HSD17B12: variants seen among roughly 807,000 people sequenced by gnomAD.
HSD17B12 encodes very-long-chain 3-oxoacyl-CoA reductase.
A neutral mutation model predicts 39.3 loss-of-function variants in HSD17B12; 32 were observed. The observed-to-expected ratio is 0.81, with a 90% CI of 0.61 to 1.09. The LOEUF is 1.09. Ranked by LOEUF, HSD17B12 falls within the 50% of genes least tolerant of loss-of-function variation. The pLI is 0.00. For missense variants in HSD17B12, 342 were observed against 382.9 expected (o/e 0.89, Z 0.89); for synonymous variants, 150 against 146.7 (o/e 1.02, Z -0.16).
At chr11:43,562,480 C>T in the HSD17B12 span, among the ~76,000 whole-genome samples, 137 of 152,330 alleles carry the variant, frequency 9.0e-4, 2 homozygotes, top group South Asian at 0.025. Flanking sequence ...GTTATTGTGA[C>T]GATTCATTGA....
the HSD17B12 span, among the ~76,000 whole-genome samples, chr11:43,588,466 T>C: frequency 6.0e-3 from 911 of 152,274 alleles, 4 homozygotes; most frequent in Non-Finnish European, 9.6e-3. Context: ...ATATAAACTT[T>C]TTATCTTCTC....
chr11:43,644,674 G>A, the HSD17B12 span: 1 of 153,092 alleles, frequency 6.5e-6, no homozygotes, highest in South Asian at 2.1e-4. Flanking sequence ...CTTGGGTCTG[G>A]TGGGATTTAA....
At chr11:43,826,215 TG>T (rs1350052326) in intron 6 of HSD17B12, among the ~76,000 whole-genome samples, 1 of 151,852 alleles carries the variant, frequency 6.6e-6, no homozygotes, top group Non-Finnish European at 1.5e-5. Flanking sequence ...CCCGAGTAGC[TG>T]GAACTACAGG....
intron 1 of HSD17B12, among the ~76,000 whole-genome samples, chr11:43,687,855 A>G (rs1949816167): frequency 6.6e-6 from 1 of 152,222 alleles, no homozygotes; most frequent in Admixed American, 6.5e-5. Flanking sequence ...TTGGGAAAAC[A>G]TTGTTACACA....
chr11:43,736,565 G>A (rs944171865), intron 1 of HSD17B12, among the ~76,000 whole-genome samples: 1 of 152,166 alleles, frequency 6.6e-6, no homozygotes, highest in African/African-American at 2.4e-5. Context: ...AAAGATGTGT[G>A]CTTCCTCATA....
intron 1 of HSD17B12, among the ~76,000 whole-genome samples, chr11:43,691,049 A>G (rs189779473): frequency 3.0e-4 from 45 of 152,338 alleles, no homozygotes; most frequent in Admixed American, 2.5e-3. Context: ...AAAGTCGTCA[A>G]TTTTAGTATG....
chr11:43,694,585 G>A (rs1949892521), intron 1 of HSD17B12, among the ~76,000 whole-genome samples: 1 of 151,950 alleles, frequency 6.6e-6, no homozygotes, highest in Non-Finnish European at 1.5e-5. Context: ...TTACTCAGAT[G>A]GCTGAGGTGG....
the HSD17B12 span, among the ~76,000 whole-genome samples, chr11:43,606,973 G>A: frequency 6.6e-6 from 1 of 152,154 alleles, no homozygotes; most frequent in Non-Finnish European, 1.5e-5. Flanking sequence ...TCCAGGCCTT[G>A]CATTTTGTAT....
intron 3 of HSD17B12, among the ~76,000 whole-genome samples, chr11:43,762,513 C>G (rs749078467): frequency 1.1e-4 from 17 of 152,222 alleles, no homozygotes; most frequent in Non-Finnish European, 1.5e-5. Flanking sequence ...TTCTGACATT[C>G]AGTTTATGGC....
intron 8 of HSD17B12, among the ~76,000 whole-genome samples, chr11:43,838,911 T>C (rs867493772): frequency 2.6e-5 from 4 of 152,136 alleles, no homozygotes; most frequent in Non-Finnish European, 5.9e-5. Context: ...TTGTCACTTT[T>C]GGGGTGAGAC....
chr11:43,585,961 G>A, the HSD17B12 span, among the ~76,000 whole-genome samples: 4 of 152,098 alleles, frequency 2.6e-5, no homozygotes, highest in Admixed American at 2.6e-4. Context: ...TGCCAAAACT[G>A]GAAAGAACTA....
intron 1 of HSD17B12, among the ~76,000 whole-genome samples, chr11:43,686,600 T>TG (rs1010297484): frequency 1.3e-5 from 2 of 150,582 alleles, no homozygotes; most frequent in African/African-American, 4.9e-5. Flanking sequence ...ACCCTGTTTT[T>TG]TTTTTTTTTT....
chr11:43,619,085 T>A, the HSD17B12 span, among the ~76,000 whole-genome samples: 1 of 148,536 alleles, frequency 6.7e-6, no homozygotes, highest in Non-Finnish European at 1.5e-5. Context: ...AGAACCTAAG[T>A]GGAAAACTCA....
chr11:43,807,455 C>A (rs1180713498), intron 4 of HSD17B12, among the ~76,000 whole-genome samples: 2 of 152,072 alleles, frequency 1.3e-5, no homozygotes, highest in Admixed American at 6.6e-5. Flanking sequence ...GAATCTGGAG[C>A]AAGGGTTTCA....
chr11:43,817,908 G>C (rs574601866), intron 6 of HSD17B12, among the ~76,000 whole-genome samples: 1 of 151,994 alleles, frequency 6.6e-6, no homozygotes, highest in African/African-American at 2.4e-5. Flanking sequence ...GATGGGAATT[G>C]CATTGAATTT....
chr11:43,599,941 G>A, the HSD17B12 span, among the ~76,000 whole-genome samples: 1 of 152,042 alleles, frequency 6.6e-6, no homozygotes, highest in African/African-American at 2.4e-5. Context: ...CCCTTCTAAT[G>A]TTAAGAAGGG....
rs150699304 is a variant in HSD17B12, at chr11:43,737,388, G to A, written c.161-13523G>A. ...ATTTTTGTTGACTGTATAAAATCTGGAAGTGGAGCCCTGGTCAGTTGCCAG... is the reference window on the plus strand; with the variant it reads ...ATTTTTGTTGACTGTATAAAATCTGAAAGTGGAGCCCTGGTCAGTTGCCAG... On this transcript the variant is annotated intron_variant, in intron 1 of 10. Transcript: ENST00000278353. 4.8e-3 allele frequency among the ~76,000 whole-genome samples: 729 copies of A among 152,248 alleles called. 19 individuals carry two copies. The highest frequency in any genetic ancestry group is 0.04 in the Admixed American group (613 of 15,296).
At chr11:43,755,119 G>T (rs932169780) in intron 3 of HSD17B12, 1 of 354,208 alleles carries the variant, frequency 2.8e-6, no homozygotes, top group Non-Finnish European at 5.0e-6. Context: ...CTTATGTTGG[G>T]TATATTTTTT....
rs150496621 is a variant in HSD17B12, at chr11:43,710,513, T to A, written c.160+29526T>A. Among the ~76,000 whole-genome samples the A allele has an allele frequency of 2.3e-3, 349 of 152,272 alleles. 2 individuals are homozygous for A. The highest frequency in any genetic ancestry group is 8.0e-3 in the African/African-American group (332 of 41,562). ...AAACTTTTAGTGATAAATTTTGAAA[T>A]TCTTGAGGGGAAATGATATGTGATT... On this transcript the variant is annotated intron_variant, in intron 1 of 10. Coordinates refer to ENST00000278353, the MANE Select transcript of HSD17B12 (RefSeq NM_016142.3).
Sources: allele counts gnomAD v4.1 joint callset (sites outside exome capture counted in the v4.1 genomes callset), GRCh38; gene constraint gnomAD v4.1.1; transcripts MANE v1.5; gene names NCBI Gene and HGNC (gene_info 2026-07-23, HGNC 2026-07-21).